NKAIN3: variants seen among roughly 807,000 people sequenced by gnomAD.
NKAIN3 encodes sodium/potassium transporting ATPase interacting 3.
In NKAIN3, 25 loss-of-function variants were observed where a neutral mutation model predicts 30.2. That is an observed-to-expected ratio of 0.83 (90% CI 0.60 to 1.16). NKAIN3 has a LOEUF of 1.16. Ranked by LOEUF, NKAIN3 falls within the 50% of genes most tolerant of loss-of-function variation. NKAIN3 has a pLI of 0.00. For synonymous variants in NKAIN3, 91 were observed against 89.6 expected (o/e 1.02, Z -0.09); for missense variants, 225 against 254.1 (o/e 0.89, Z 0.78).
intron 4 of NKAIN3, among the ~76,000 whole-genome samples, chr8:62,850,394 A>T (rs1434391209): frequency 6.6e-6 from 1 of 152,012 alleles, no homozygotes; most frequent in Non-Finnish European, 1.5e-5. Flanking sequence ...ATTTTCTCCC[A>T]TTCTGTAGGC....
chr8:62,843,882 C>T lies in NKAIN3; in HGVS notation c.472-74571C>T, dbSNP rs116456537. Among the ~76,000 whole-genome samples, 1,497 of 152,172 alleles carry T rather than the reference C, an allele frequency of 9.8e-3. 14 individuals are homozygous for T. The highest frequency in any genetic ancestry group is 0.055 in the South Asian group (267 of 4,820). On this transcript the variant is annotated intron_variant, in intron 4 of 6. Transcript: ENST00000623646. ...AGTGCTGTTCACTGCAACCTCACTC[C>T]TCTCCTTTGCTGGTGTATGTACCAA... is the stretch of plus-strand genomic sequence containing the variant.
chr8:62,868,801 G>C (rs556821026), intron 4 of NKAIN3, among the ~76,000 whole-genome samples: 8 of 152,204 alleles, frequency 5.3e-5, no homozygotes, highest in African/African-American at 9.6e-5. Context: ...CGGAGGCCCT[G>C]CCTTATGAGA....
intron 4 of NKAIN3, among the ~76,000 whole-genome samples, chr8:62,786,259 T>C (rs1251486998): frequency 1.3e-5 from 2 of 152,076 alleles, no homozygotes; most frequent in African/African-American, 4.8e-5. Flanking sequence ...GAATAAATAT[T>C]TGTGGAATAA....
chr8:62,890,615 G>A (rs550464205), intron 4 of NKAIN3, among the ~76,000 whole-genome samples: 2 of 152,306 alleles, frequency 1.3e-5, no homozygotes, highest in East Asian at 1.9e-4. Flanking sequence ...CAAAGAATTA[G>A]CATTCCATAC....
rs140764977 is a variant in NKAIN3 at position 62,802,739 on chromosome 8, G to A, written c.471+55610G>A. Among the ~76,000 whole-genome samples the A allele has an allele frequency of 9.7e-3, 1,479 of 152,242 alleles. 22 individuals carry two copies. Among genetic ancestry groups the A allele is most frequent in the African/African-American group, 0.034 (1,398 of 41,530 alleles). On this transcript the variant is annotated intron_variant, in intron 4 of 6. Transcript: ENST00000623646. ...CAAAATAACCAGCTAACATCATAAT[G>A]ACAGGATCAAATTCACACATAACAA...
chr8:62,735,839 A>G (rs1586144052), intron 3 of NKAIN3, among the ~76,000 whole-genome samples: 1 of 83,792 alleles, frequency 1.2e-5, no homozygotes, highest in South Asian at 4.2e-4. Context: ...TGACTCCTTC[A>G]TGTGGTGCTC....
intron 4 of NKAIN3, among the ~76,000 whole-genome samples, chr8:62,859,508 T>TAGAAAAAAAAAAAAAAAAAAAAA (rs1820173136): frequency 3.3e-5 from 2 of 60,442 alleles, no homozygotes; most frequent in Non-Finnish European, 6.7e-5. Flanking sequence ...TTACTTCAAC[T>TAGAAAAAAAAAAAAAAAAAAAAA]AAAAAAAAAA....
chr8:62,876,822 T>C (rs1820810349), intron 4 of NKAIN3, among the ~76,000 whole-genome samples: 2 of 150,922 alleles, frequency 1.3e-5, no homozygotes, highest in South Asian at 2.1e-4. Context: ...GGGGTGGGGG[T>C]GAGGCAAGGA....
At chr8:62,836,296 C>A (rs551004699) in intron 4 of NKAIN3, among the ~76,000 whole-genome samples, 3 of 152,082 alleles carry the variant, frequency 2.0e-5, no homozygotes, top group African/African-American at 7.2e-5. Flanking sequence ...ATTCAACAAA[C>A]CTGCACATAT....
chr8:62,327,173 G>A (rs546876299), intron 1 of NKAIN3, among the ~76,000 whole-genome samples: 44 of 151,952 alleles, frequency 2.9e-4, no homozygotes, highest in African/African-American at 1.0e-3. Context: ...ATTTTTTGTT[G>A]TTGCTGTTGA....
intron 1 of NKAIN3, among the ~76,000 whole-genome samples, chr8:62,372,950 C>A (rs1816954984): frequency 1.3e-5 from 2 of 152,048 alleles, no homozygotes; most frequent in African/African-American, 2.4e-5. Context: ...CTTACACCTA[C>A]CAGCAGGACA....
intron 1 of NKAIN3, among the ~76,000 whole-genome samples, chr8:62,341,706 T>G (rs1265623802): frequency 1.3e-5 from 2 of 151,950 alleles, no homozygotes; most frequent in Non-Finnish European, 2.9e-5. Context: ...CTTTTGCAAT[T>G]TAATGCCAGA....
At chr8:62,767,705 ATCT>A (rs956422647) in intron 4 of NKAIN3, among the ~76,000 whole-genome samples, 5 of 152,086 alleles carry the variant, frequency 3.3e-5, no homozygotes, top group African/African-American at 1.2e-4. Flanking sequence ...TGCTAGACCG[ATCT>A]TCTCACAACG....
chr8:62,878,195 A>C (rs917392347), intron 4 of NKAIN3, among the ~76,000 whole-genome samples: 1 of 152,238 alleles, frequency 6.6e-6, no homozygotes, highest in Non-Finnish European at 1.5e-5. Context: ...GGAAATATGT[A>C]GATTAGATGT....
chr8:62,331,136 TCCTCTTCCACCC>T (rs1563936706), intron 1 of NKAIN3, among the ~76,000 whole-genome samples: 1 of 148,364 alleles, frequency 6.7e-6, no homozygotes, highest in Admixed American at 6.8e-5. Flanking sequence ...CCTTCCTCCC[TCCTCTTCCACCC>T]CCTCTTCCTC....
At chr8:62,460,828 A>T (rs560569508) in intron 1 of NKAIN3, among the ~76,000 whole-genome samples, 1 of 152,326 alleles carries the variant, frequency 6.6e-6, no homozygotes, top group South Asian at 2.1e-4. Context: ...GTGTTAAAAC[A>T]ATTGGAGGGA....
chr8:62,990,026 C>G (rs981805051), intron 5 of NKAIN3: 1 of 526,382 alleles, frequency 1.9e-6, no homozygotes, highest in East Asian at 3.2e-5. Context: ...TGTATCTGCT[C>G]AATGAATGTT....
chr8:62,517,997 A>G (rs1262190730), intron 1 of NKAIN3, among the ~76,000 whole-genome samples: 1 of 152,144 alleles, frequency 6.6e-6, no homozygotes, highest in East Asian at 1.9e-4. Context: ...CCATGACTAT[A>G]GTCATATTCA....
chr8:62,790,411 A>T (rs959762966), intron 4 of NKAIN3, among the ~76,000 whole-genome samples: 6 of 152,158 alleles, frequency 3.9e-5, no homozygotes, highest in African/African-American at 1.4e-4. Flanking sequence ...CAAGACAGGG[A>T]TGCCCTCTCT....
Sources: allele counts gnomAD v4.1 joint callset (sites outside exome capture counted in the v4.1 genomes callset), GRCh38; gene constraint gnomAD v4.1.1; transcripts MANE v1.5; gene names NCBI Gene and HGNC (gene_info 2026-07-23, HGNC 2026-07-21).